CTNND2: variants seen among roughly 807,000 people sequenced by gnomAD.
CTNND2 encodes catenin delta-2.
A neutral mutation model predicts 144.4 loss-of-function variants in CTNND2; 22 were observed. That is an observed-to-expected ratio of 0.15 (90% CI 0.11 to 0.22). The LOEUF (loss-of-function observed/expected upper bound fraction) is 0.22. Among genes scored for constraint, CTNND2 ranks in the 10% least tolerant of loss-of-function variants. The pLI is 1.00. For synonymous variants in CTNND2, 751 were observed against 695.6 expected (o/e 1.08, Z -1.25); for missense variants, 1,353 against 1,618.8 (o/e 0.84, Z 2.82).
chr5:11,544,761 T>C (rs1198972075), intron 3 of CTNND2, among the ~76,000 whole-genome samples: 2 of 152,160 alleles, frequency 1.3e-5, no homozygotes, highest in Admixed American at 1.3e-4. Flanking sequence ...GGCCAGTGGA[T>C]CACTTGAGGT....
chr5:11,746,238 TACC>T (rs909499178), intron 1 of CTNND2, among the ~76,000 whole-genome samples: 3 of 152,204 alleles, frequency 2.0e-5, no homozygotes, highest in Admixed American at 6.5e-5. Flanking sequence ...CAATTCAGTT[TACC>T]ACAATTGAAT....
At chr5:11,102,980 T>G (rs1752056049) in intron 14 of CTNND2, among the ~76,000 whole-genome samples, 1 of 88,412 alleles carries the variant, frequency 1.1e-5, no homozygotes, top group Non-Finnish European at 2.8e-5. Flanking sequence ...ATTTTTTTTT[T>G]TTTTTTTTTT....
At chr5:11,902,140 A>C (rs1037737673) in intron 1 of CTNND2, among the ~76,000 whole-genome samples, 2 of 152,158 alleles carry the variant, frequency 1.3e-5, no homozygotes, top group Admixed American at 1.3e-4. Flanking sequence ...TTCAACACTT[A>C]ACTCCGAATG....
chr5:11,594,030 T>C (rs766095753), intron 2 of CTNND2, among the ~76,000 whole-genome samples: 3 of 152,240 alleles, frequency 2.0e-5, no homozygotes, highest in Non-Finnish European at 4.4e-5. Context: ...AAATTCTTGA[T>C]AAACATACTC....
intron 7 of CTNND2, among the ~76,000 whole-genome samples, chr5:11,380,633 C>A (rs1758387188): frequency 6.6e-6 from 1 of 152,140 alleles, no homozygotes; most frequent in African/African-American, 2.4e-5. Context: ...GTTCTGATGA[C>A]TTAACATCTG....
intron 1 of CTNND2, among the ~76,000 whole-genome samples, chr5:11,892,691 T>TAA (rs199579194): frequency 7.0e-6 from 1 of 143,106 alleles, no homozygotes. Context: ...GGGCCAGAGC[T>TAA]AAAAAAAAAA....
rs564354942 is a variant in CTNND2, at chr5:11,511,966, C to T, written c.287+52978G>A. ...TTAGAACAAACCTATTTTGCACTCT[C>T]ATGAACCAGATTTTCTTTCTGAATT... On this transcript the variant is annotated intron_variant, in intron 3 of 21. Transcript: ENST00000304623. Among the ~76,000 whole-genome samples, 32 of 152,274 alleles carry T rather than the reference C, an allele frequency of 2.1e-4. 2 individuals carry two copies. The South Asian group carries it at 6.4e-3, about 31-fold the overall frequency.
At chr5:11,612,619 G>T (rs1022403125) in intron 2 of CTNND2, among the ~76,000 whole-genome samples, 3 of 152,146 alleles carry the variant, frequency 2.0e-5, no homozygotes, top group African/African-American at 7.2e-5. Flanking sequence ...TCAAAAATAG[G>T]TTGGGTACAG....
intron 9 of CTNND2, among the ~76,000 whole-genome samples, chr5:11,322,524 T>C (rs1011762877): frequency 6.6e-6 from 1 of 152,330 alleles, no homozygotes; most frequent in Non-Finnish European, 1.5e-5. Flanking sequence ...CATTTCACTC[T>C]ATATATAAAA....
At position 11,248,370 on chromosome 5, in the gene CTNND2, C is replaced by T. The variant is rs187881296; in HGVS notation, c.1629-11547G>A. Among the ~76,000 whole-genome samples, 1,050 of 151,748 alleles carry T rather than the reference C, an allele frequency of 6.9e-3. 32 individuals are homozygous for T. The highest frequency in any genetic ancestry group is 0.042 in the Admixed American group (634 of 15,214). On this transcript the variant is annotated intron_variant, in intron 9 of 21. Coordinates refer to ENST00000304623, the MANE Select transcript of CTNND2 (RefSeq NM_001332.4). The stretch of plus-strand genomic sequence containing the variant: ...ATATATATATATGTGCATGTGGGCA[C>T]ATGTGTATGTATATGTGCAGATCTG...
chr5:11,203,431 TTTTTGTTTTGTTTTGTTTTG>T (rs563015091), intron 10 of CTNND2, among the ~76,000 whole-genome samples: 2 of 151,878 alleles, frequency 1.3e-5, no homozygotes, highest in African/African-American at 4.8e-5. Context: ...TGCAAAATTG[TTTTTGTTTTGTTTTGTTTTG>T]TTTTGTTTTT....
intron 3 of CTNND2, among the ~76,000 whole-genome samples, chr5:11,539,456 A>G (rs1281899065): frequency 2.6e-5 from 4 of 152,200 alleles, no homozygotes; most frequent in Non-Finnish European, 5.9e-5. Flanking sequence ...CCACCTAGCT[A>G]CTTATCACCT....
intron 2 of CTNND2, among the ~76,000 whole-genome samples, chr5:11,670,616 CTCCATCCCTTTATTTTGAACCT>C (rs533504615): frequency 2.6e-5 from 4 of 152,052 alleles, no homozygotes; most frequent in African/African-American, 7.2e-5. Context: ...GTAAATCTTC[CTCCATCCCTTTATTTTGAACCT>C]TCCATCCCTT....
At chr5:11,359,184 T>G (rs1015380614) in intron 8 of CTNND2, among the ~76,000 whole-genome samples, 3 of 152,228 alleles carry the variant, frequency 2.0e-5, no homozygotes, top group Non-Finnish European at 4.4e-5. Flanking sequence ...ACTGTACTCC[T>G]TATTTTATAA....
intron 11 of CTNND2, among the ~76,000 whole-genome samples, chr5:11,164,296 G>A (rs886937885): frequency 6.6e-5 from 10 of 152,266 alleles, no homozygotes; most frequent in African/African-American, 2.4e-4. Context: ...AAATTAGGGG[G>A]TGGGCTTTTT....
chr5:11,483,192 G>A (rs1162695657), intron 3 of CTNND2, among the ~76,000 whole-genome samples: 1 of 152,144 alleles, frequency 6.6e-6, no homozygotes, highest in African/African-American at 2.4e-5. Context: ...TGGGGTGGAT[G>A]AATTGAATAC....
Position 11,385,224 on chromosome 5 carries a change from C to A in CTNND2, c.618G>T (p.Thr206=). Residue 206 remains threonine, a synonymous_variant, in exon 7 of 22, where the codon ACG becomes ACT. Transcript: ENST00000304623. ...RATGQSFSQG[T]TSRAGHLAGP... is the part of the protein sequence containing the mutation. ...CCGCCAGGTGGCCGGCGCGGCTGGT[C>A]GTGCCCTGTGCCCGGGAGAGGAGAG... 3 of 1,056,970 alleles carry A rather than the reference C, an allele frequency of 2.8e-6. No individual in the cohort carries two copies. The South Asian group carries it at 1.3e-4, about 47-fold the overall frequency. 65.5% of individuals were successfully genotyped at this position (1,056,970 alleles called of 1,614,324 possible).
At chr5:11,520,103 C>T (rs188282839) in intron 3 of CTNND2, among the ~76,000 whole-genome samples, 1 of 147,132 alleles carries the variant, frequency 6.8e-6, no homozygotes, top group Non-Finnish European at 1.5e-5. Flanking sequence ...GCCGAGATCA[C>T]GCCACTGCAC....
At chr5:11,643,652 C>G (rs189348042) in intron 2 of CTNND2, among the ~76,000 whole-genome samples, 3 of 152,098 alleles carry the variant, frequency 2.0e-5, no homozygotes, top group East Asian at 3.9e-4. Flanking sequence ...AGCTTTATAA[C>G]AGAAACTTGT....
Sources: allele counts gnomAD v4.1 joint callset (sites outside exome capture counted in the v4.1 genomes callset), GRCh38; gene constraint gnomAD v4.1.1; transcripts MANE v1.5; gene names NCBI Gene and HGNC (gene_info 2026-07-23, HGNC 2026-07-21).